RMST: variants seen among roughly 807,000 people sequenced by gnomAD.
RMST encodes rhabdomyosarcoma 2 associated transcript, also known as long intergenic non-protein coding RNA 54.
intron 10 of RMST, among the ~76,000 whole-genome samples, chr12:97,528,993 G>T (rs1881386509): frequency 6.6e-6 from 1 of 151,776 alleles, no homozygotes; most frequent in South Asian, 2.1e-4. Context: ...TGCTTTTATG[G>T]AATCTGACTC....
chr12:97,511,033 G>A (rs544901855), intron 10 of RMST, among the ~76,000 whole-genome samples: 23 of 152,014 alleles, frequency 1.5e-4, no homozygotes, highest in African/African-American at 5.3e-4. Context: ...CTTAAATTTC[G>A]AAGTTGAAAT....
intron 10 of RMST, among the ~76,000 whole-genome samples, chr12:97,506,947 G>A (rs1035616514): frequency 6.6e-6 from 1 of 152,068 alleles, no homozygotes; most frequent in Non-Finnish European, 1.5e-5. Context: ...CTCCCAAAGT[G>A]CTGGGATTAT....
At chr12:97,495,404 C>T (rs988658596) in intron 9 of RMST, among the ~76,000 whole-genome samples, 7 of 151,906 alleles carry the variant, frequency 4.6e-5, no homozygotes, top group South Asian at 4.1e-4. Flanking sequence ...AAAGCAATGG[C>T]GAGATGATGG....
intron 10 of RMST, among the ~76,000 whole-genome samples, chr12:97,517,633 T>C (rs1880065962): frequency 6.6e-6 from 1 of 152,052 alleles, no homozygotes; most frequent in Non-Finnish European, 1.5e-5. Flanking sequence ...TTTTCAGAAT[T>C]TGAGATCATA....
intron 5 of RMST, among the ~76,000 whole-genome samples, chr12:97,469,062 T>G (rs962815766): frequency 2.6e-5 from 4 of 151,702 alleles, no homozygotes; most frequent in Non-Finnish European, 5.9e-5. Context: ...ACTCTTTAAA[T>G]GGCTTAAGAT....
chr12:97,531,288 GA>G (rs749179128), intron 11 of RMST, among the ~76,000 whole-genome samples: 93 of 152,114 alleles, frequency 6.1e-4, no homozygotes, highest in Admixed American at 3.3e-3. Context: ...AGAATATGTA[GA>G]GGTTCTATTT....
chr12:97,488,231 A>G (rs558198837), intron 5 of RMST, among the ~76,000 whole-genome samples: 1 of 152,254 alleles, frequency 6.6e-6, no homozygotes, highest in Admixed American at 6.5e-5. Flanking sequence ...TAAAAATACA[A>G]AAATTAGCTG....
chr12:97,473,128 A>G (rs1387098206), intron 5 of RMST, among the ~76,000 whole-genome samples: 2 of 152,128 alleles, frequency 1.3e-5, no homozygotes, highest in Non-Finnish European at 1.5e-5. Context: ...ACAATCAAAT[A>G]CAACTTTTAG....
At chr12:97,494,597 T>C (rs1450994415) in intron 8 of RMST, 2 of 151,888 alleles carry the variant, frequency 1.3e-5, no homozygotes, top group Non-Finnish European at 2.9e-5. Flanking sequence ...TCCTGCACAT[T>C]CACAGTAATA....
rs116236301 is a variant in RMST, at chr12:97,488,414, C to T, written n.645-4047C>T. The stretch of plus-strand genomic sequence containing the variant: ...ACTCTCTTTGTCCCAGATGAGGCTA[C>T]ACACCAACCCCTTTATTCAAAACTT... On this transcript the variant is annotated intron_variant and non_coding_transcript_variant, in intron 5 of 13. Coordinates refer to ENST00000640149, the Ensembl canonical transcript of RMST. 5.4e-3 allele frequency among the ~76,000 whole-genome samples: 816 copies of T among 152,322 alleles called. 4 individuals carry two copies. Among genetic ancestry groups the T allele is most frequent in the African/African-American group, 0.018 (729 of 41,568 alleles).
At chr12:97,486,649 A>G (rs1228666411) in intron 5 of RMST, among the ~76,000 whole-genome samples, 3 of 152,198 alleles carry the variant, frequency 2.0e-5, no homozygotes, top group African/African-American at 7.2e-5. Flanking sequence ...GCCACTTATA[A>G]TTATTTCTGA....
chr12:97,547,120 C>T (rs1459701870), intron 11 of RMST, among the ~76,000 whole-genome samples: 2 of 151,068 alleles, frequency 1.3e-5, no homozygotes, highest in Non-Finnish European at 2.9e-5. Context: ...AAAGATTGAA[C>T]TGGAGGTCAA....
intron 5 of RMST, among the ~76,000 whole-genome samples, chr12:97,474,195 G>A (rs2136397274): frequency 6.6e-6 from 1 of 152,208 alleles, no homozygotes; most frequent in South Asian, 2.1e-4. Flanking sequence ...ACATCATGGA[G>A]AAAATCAGAA....
chr12:97,465,371 T>C (rs1593103451), intron 4 of RMST, among the ~76,000 whole-genome samples: 2 of 152,296 alleles, frequency 1.3e-5, no homozygotes, highest in East Asian at 3.9e-4. Context: ...GTCTCTAGGC[T>C]TCCTTGTCTT....
chr12:97,512,316 C>T (rs923597138), intron 10 of RMST, among the ~76,000 whole-genome samples: 2 of 152,154 alleles, frequency 1.3e-5, no homozygotes, highest in African/African-American at 2.4e-5. Flanking sequence ...GAGTGAGCAG[C>T]AGCAAGATTT....
intron 10 of RMST, among the ~76,000 whole-genome samples, chr12:97,509,553 G>T (rs1317921169): frequency 6.6e-6 from 1 of 152,074 alleles, no homozygotes; most frequent in Non-Finnish European, 1.5e-5. Context: ...AATTCCCTTA[G>T]GTGGACAACT....
intron 10 of RMST, among the ~76,000 whole-genome samples, chr12:97,523,800 G>A (rs532204774): frequency 1.9e-4 from 29 of 152,098 alleles, no homozygotes; most frequent in East Asian, 1.2e-3. Context: ...ATAACTGGCC[G>A]GGCGCAGTGG....
chr12:97,561,026 A>G (rs2136673876), exon 13 of RMST: 1 of 152,436 alleles, frequency 6.6e-6, no homozygotes, highest in East Asian at 1.9e-4. Context: ...CCAAGGGGCT[A>G]GTTGAGGAAT....
intron 11 of RMST, among the ~76,000 whole-genome samples, chr12:97,546,988 C>T (rs550370532): frequency 1.7e-3 from 263 of 152,034 alleles, no homozygotes; most frequent in Non-Finnish European, 2.8e-3. Context: ...CACCATTTTT[C>T]TCTATCTTTC....
Sources: gnomAD v4.1 joint callset for allele counts (sites outside exome capture counted in the v4.1 genomes callset) on GRCh38, gnomAD v4.1.1 for gene constraint, MANE v1.5 for transcripts, NCBI Gene and HGNC (gene_info 2026-07-23, HGNC 2026-07-21) for gene names.